The following NSL1 variants were observed in gnomAD, a reference collection of about 807,000 sequenced individuals.
NSL1 encodes the protein NSL1 component of MIS12 kinetochore complex.
A neutral mutation model predicts 25.4 loss-of-function variants in NSL1; 11 were observed. That is an observed-to-expected ratio of 0.43 (90% CI 0.27 to 0.72). The LOEUF is 0.72. Ranked by LOEUF, NSL1 falls within the 30% of genes least tolerant of loss-of-function variation. The pLI is 0.19. For missense variants in NSL1, 330 were observed against 342.7 expected (o/e 0.96, Z 0.29); for synonymous variants, 118 against 120.6 (o/e 0.98, Z 0.14).
intron 4 of NSL1, chr1:212,781,826 G>A (rs992968178): frequency 1.0e-5 from 2 of 198,700 alleles, no homozygotes; most frequent in African/African-American, 4.6e-5. Context: ...TGCTAGTTCT[G>A]CTGCTGGATT....
intron 4 of NSL1, among the ~76,000 whole-genome samples, chr1:212,776,627 C>G (rs555391283): frequency 1.3e-4 from 19 of 151,040 alleles, no homozygotes; most frequent in Admixed American, 5.3e-4. Context: ...TATACAGTTT[C>G]CAAACTGAGA....
chr1:212,733,246 A>C lies in NSL1; in HGVS notation c.*5162T>G, dbSNP rs1352179862. ...TGAGCTCACGAGTTTGAGACCAGCC[A>C]CATAGCGAAACTCCGTCTCTACAAA... On this transcript the variant is annotated 3_prime_UTR_variant, in exon 6 of 6. Coordinates refer to ENST00000366977, the MANE Select transcript of NSL1 (RefSeq NM_015471.4). 6.6e-6 allele frequency among the ~76,000 whole-genome samples: 1 copy of C among 152,010 alleles called. No homozygotes were observed. The highest frequency in any genetic ancestry group is 2.4e-5 in the African/African-American group (1 of 41,380).
intron 4 of NSL1, among the ~76,000 whole-genome samples, chr1:212,759,180 G>GAA (rs905772047): frequency 6.7e-6 from 1 of 150,094 alleles, no homozygotes; most frequent in African/African-American, 2.4e-5. Context: ...GCAACCAAAG[G>GAA]AAAAAAAAAT....
At chr1:212,772,625 T>C (rs7513210) in intron 4 of NSL1, among the ~76,000 whole-genome samples, 95,667 of 151,934 alleles carry the variant, frequency 0.63, 30,647 homozygotes, top group Non-Finnish European at 0.69. Context: ...TGCAGTGAGC[T>C]GAGACTGCAC....
At chr1:212,765,533 C>T (rs550623155) in intron 4 of NSL1, among the ~76,000 whole-genome samples, 2 of 152,276 alleles carry the variant, frequency 1.3e-5, no homozygotes, top group African/African-American at 4.8e-5. Context: ...TAAAATCCAG[C>T]ATCTCTGCTG....
chr1:212,784,291 GTAGAGCCTTA>G, intron 3 of NSL1, 62 bp downstream of exon 3: 3 of 1,046,318 alleles, frequency 2.9e-6, no homozygotes, highest in Non-Finnish European at 4.1e-6. Flanking sequence ...TTATCTCCAC[GTAGAGCCTTA>G]TATTTTAATG....
chr1:212,756,284 T>G (rs1022406411), intron 4 of NSL1, among the ~76,000 whole-genome samples: 1 of 152,044 alleles, frequency 6.6e-6, no homozygotes, highest in African/African-American at 2.4e-5. Flanking sequence ...CATGCTTGGC[T>G]AATTTTTGTA....
intron 4 of NSL1, among the ~76,000 whole-genome samples, chr1:212,741,981 C>A (rs1277731259): frequency 6.6e-6 from 1 of 152,132 alleles, no homozygotes; most frequent in African/African-American, 2.4e-5. Context: ...AGTACAATGC[C>A]TGGAAGACAT....
At chr1:212,762,326 A>AG (rs768516177) in intron 4 of NSL1, among the ~76,000 whole-genome samples, 5 of 145,376 alleles carry the variant, frequency 3.4e-5, no homozygotes, top group Admixed American at 6.8e-5. Context: ...AAAAAAAAAA[A>AG]GAAAAGAAGT....
chr1:212,761,696 G>A (rs1659573543), intron 4 of NSL1, among the ~76,000 whole-genome samples: 1 of 151,980 alleles, frequency 6.6e-6, no homozygotes, highest in East Asian at 1.9e-4. Flanking sequence ...TATTAAAGAA[G>A]CTCAGTGAGA....
At chr1:212,777,060 T>TAAAAAA (rs1184302329) in intron 4 of NSL1, among the ~76,000 whole-genome samples, 2 of 137,070 alleles carry the variant, frequency 1.5e-5, no homozygotes, top group Non-Finnish European at 1.6e-5. Flanking sequence ...CTGAAAAGAC[T>TAAAAAA]AAAAAAAAAA....
chr1:212,784,475 A>C lies in NSL1; in HGVS notation c.332T>G (p.Leu111Arg). 1 of 1,561,130 alleles carries C rather than the reference A, an allele frequency of 6.4e-7. No homozygotes were observed. Among genetic ancestry groups the C allele is most frequent in the Non-Finnish European group, 8.7e-7 (1 of 1,145,492 alleles). Residue 111 changes from leucine (L) to arginine (R), a missense_variant, in exon 3 of 6, where the codon CTT (leucine) becomes CGT (arginine). Coordinates refer to ENST00000366977, the MANE Select transcript of NSL1 (RefSeq NM_015471.4). ...TATGATTTCATCAAACTGATCTTCA[A>C]GTACTTTGATGTCAGAATCTATTTG... ...NCFMDSDIKV[L>R]EDQFDEIIVD...
chr1:212,791,030 A>C (rs1661215762), intron 1 of NSL1, among the ~76,000 whole-genome samples: 1 of 152,172 alleles, frequency 6.6e-6, no homozygotes, highest in Admixed American at 6.5e-5. Flanking sequence ...TTTCCAGGAG[A>C]ATTCCTCATT....
At chr1:212,753,005 AG>A (rs1659138252) in intron 4 of NSL1, among the ~76,000 whole-genome samples, 1 of 152,220 alleles carries the variant, frequency 6.6e-6, no homozygotes, top group Non-Finnish European at 1.5e-5. Flanking sequence ...GTTTCTAAAG[AG>A]GTAATTAAGC....
rs1007090404 is a variant in NSL1, at chr1:212,779,218, T to C, written c.499+3154A>G. ...CGTCTCCGCCCGGCCAGCCGCCCCG[T>C]CTGGGAGGGAGGTGGGGGGTGGGGT... On this transcript the variant is annotated intron_variant, in intron 4 of 5. Transcript: ENST00000366977. 7.7e-4 allele frequency among the ~76,000 whole-genome samples: 115 copies of C among 149,808 alleles called. 2 individuals are homozygous for C. Among genetic ancestry groups the C allele is most frequent in the Non-Finnish European group, 1.5e-5 (1 of 67,528 alleles).
At chr1:212,781,160 A>C (rs1001666156) in intron 4 of NSL1, among the ~76,000 whole-genome samples, 3 of 152,212 alleles carry the variant, frequency 2.0e-5, no homozygotes, top group Non-Finnish European at 2.9e-5. Flanking sequence ...CTTACTTTTG[A>C]AGTCTGAATC....
intron 4 of NSL1, among the ~76,000 whole-genome samples, chr1:212,770,141 TATA>T (rs1213343961): frequency 6.6e-6 from 1 of 152,054 alleles, no homozygotes; most frequent in Non-Finnish European, 1.5e-5. Flanking sequence ...AGAAAGAGGA[TATA>T]ATAATTCTAA....
rs1657791618 is a variant in NSL1, at chr1:212,726,474, G to T, written c.*11934C>A. 6.6e-6 allele frequency: 1 copy of T among 152,360 alleles called. No homozygotes were observed. The highest frequency in any genetic ancestry group is 2.1e-4 in the South Asian group (1 of 4,830). 9.4% of individuals were successfully genotyped at this position (152,360 alleles called of 1,614,324 possible). On this transcript the variant is annotated 3_prime_UTR_variant, in exon 6 of 6. Coordinates refer to ENST00000366977, the MANE Select transcript of NSL1 (RefSeq NM_015471.4). ...CTGTTTATCAAGATGGCATATGGGTGTAGGGAGAAGAAGAGGTGCTGGAGC... is the reference window on the plus strand; with the variant it reads ...CTGTTTATCAAGATGGCATATGGGTTTAGGGAGAAGAAGAGGTGCTGGAGC...
Position 212,741,779 on chromosome 1 carries a change from T to C in NSL1, c.500-2178A>G, listed in dbSNP as rs138971059. On this transcript the variant is annotated intron_variant, in intron 4 of 5. Coordinates refer to ENST00000366977, the MANE Select transcript of NSL1 (RefSeq NM_015471.4). ...ACAGCTGAGCAGTAGGTACTTATAA[T>C]AAGTAAAAATGGTCCCTGCCCATCA... 7.9e-5 allele frequency among the ~76,000 whole-genome samples: 12 copies of C among 152,292 alleles called. No homozygotes were observed. In the East Asian group the frequency reaches 2.3e-3, roughly 29 times the overall value.
Sources: allele counts gnomAD v4.1 joint callset (sites outside exome capture counted in the v4.1 genomes callset), GRCh38; gene constraint gnomAD v4.1.1; transcripts MANE v1.5; gene names NCBI Gene and HGNC (gene_info 2026-07-23, HGNC 2026-07-21).